NEDD4L: variants seen among roughly 807,000 people sequenced by gnomAD.
The protein encoded by NEDD4L is NEDD4 like E3 ubiquitin protein ligase.
In NEDD4L, 54 loss-of-function variants were observed where a neutral mutation model predicts 148.9. The observed-to-expected ratio is 0.36, with a 90% CI of 0.29 to 0.45. NEDD4L has a LOEUF of 0.45. Among genes scored for constraint, NEDD4L ranks in the 20% least tolerant of loss-of-function variants. NEDD4L has a pLI of 1.00. For synonymous variants in NEDD4L, 433 were observed against 440.7 expected (o/e 0.98, Z 0.22); for missense variants, 856 against 1,233.8 (o/e 0.69, Z 4.59).
At chr18:58,076,031 G>A (rs1216772004) in intron 1 of NEDD4L, among the ~76,000 whole-genome samples, 1 of 152,166 alleles carries the variant, frequency 6.6e-6, no homozygotes, top group Non-Finnish European at 1.5e-5. Context: ...AATAACCATT[G>A]TTGGCATCAA....
chr18:58,070,883 A>G (rs1229490782), intron 1 of NEDD4L, among the ~76,000 whole-genome samples: 2 of 152,238 alleles, frequency 1.3e-5, no homozygotes, highest in African/African-American at 4.8e-5. Flanking sequence ...GTTCCTGAAA[A>G]TCACTAATCA....
intron 1 of NEDD4L, among the ~76,000 whole-genome samples, chr18:58,161,371 C>T (rs182134748): frequency 1.3e-5 from 2 of 151,644 alleles, no homozygotes; most frequent in Admixed American, 1.3e-4. Context: ...TGGATGGTGT[C>T]GTTAACGGTG....
intron 1 of NEDD4L, among the ~76,000 whole-genome samples, chr18:58,103,143 C>T (rs1182046044): frequency 6.6e-6 from 1 of 151,446 alleles, no homozygotes; most frequent in African/African-American, 2.4e-5. Context: ...GTCTATGTAG[C>T]AGTAATGCCA....
chr18:58,336,662 A>G (rs2041820751), intron 13 of NEDD4L, among the ~76,000 whole-genome samples: 1 of 152,208 alleles, frequency 6.6e-6, no homozygotes, highest in Non-Finnish European at 1.5e-5. Context: ...CTTTACGTAT[A>G]CAATTGCTGA....
intron 2 of NEDD4L, among the ~76,000 whole-genome samples, chr18:58,203,806 G>A (rs1245104953): frequency 6.6e-6 from 1 of 151,924 alleles, no homozygotes; most frequent in African/African-American, 2.4e-5. Context: ...TAGTGAATCA[G>A]ACCCTAAAAA....
At chr18:58,307,408 A>G (rs1163317778) in intron 5 of NEDD4L, among the ~76,000 whole-genome samples, 2 of 152,240 alleles carry the variant, frequency 1.3e-5, no homozygotes, top group South Asian at 2.1e-4. Flanking sequence ...TTTCGTAGTC[A>G]TGTGACAAGG....
chr18:58,074,585 T>A (rs959576506), intron 1 of NEDD4L, among the ~76,000 whole-genome samples: 1 of 151,716 alleles, frequency 6.6e-6, no homozygotes, highest in African/African-American at 2.4e-5. Context: ...TAAGAATTTT[T>A]AAAATAAGTG....
At chr18:58,136,949 C>A (rs565083847) in intron 1 of NEDD4L, among the ~76,000 whole-genome samples, 1 of 152,168 alleles carries the variant, frequency 6.6e-6, no homozygotes, top group Non-Finnish European at 1.5e-5. Context: ...GGAATAGATA[C>A]ATTTTTTAAA....
intron 1 of NEDD4L, among the ~76,000 whole-genome samples, chr18:58,102,510 T>A (rs2084817550): frequency 6.6e-6 from 1 of 152,222 alleles, no homozygotes; most frequent in Non-Finnish European, 1.5e-5. Flanking sequence ...GAACCAATTT[T>A]GACATCAAAT....
intron 1 of NEDD4L, among the ~76,000 whole-genome samples, chr18:58,056,892 C>T (rs1019572761): frequency 2.0e-5 from 1 of 51,040 alleles, no homozygotes; most frequent in Non-Finnish European, 4.4e-5. Flanking sequence ...GAGCTATGCC[C>T]TCTTTTTTTT....
intron 2 of NEDD4L, among the ~76,000 whole-genome samples, chr18:58,184,865 T>C (rs1281210881): frequency 1.3e-5 from 2 of 151,836 alleles, no homozygotes; most frequent in Non-Finnish European, 2.9e-5. Flanking sequence ...GAGGTGGAGC[T>C]TGCAGGGAGC....
chr18:58,264,566 G>T (rs967261305), intron 5 of NEDD4L, among the ~76,000 whole-genome samples: 2 of 152,042 alleles, frequency 1.3e-5, no homozygotes, highest in Non-Finnish European at 2.9e-5. Context: ...GGGGGTACAT[G>T]TGATATCTTG....
At chr18:58,158,779 C>T (rs1309350220) in intron 1 of NEDD4L, among the ~76,000 whole-genome samples, 4 of 152,142 alleles carry the variant, frequency 2.6e-5, no homozygotes, top group Admixed American at 6.5e-5. Context: ...TTGAACTGGA[C>T]TTGCAGTCCT....
intron 1 of NEDD4L, among the ~76,000 whole-genome samples, chr18:58,160,997 C>T (rs1007614548): frequency 6.6e-6 from 1 of 152,018 alleles, no homozygotes; most frequent in African/African-American, 2.4e-5. Context: ...AAAAATAACT[C>T]ATAGGGTTGT....
intron 12 of NEDD4L, among the ~76,000 whole-genome samples, chr18:58,334,895 G>A (rs973762342): frequency 7.2e-5 from 11 of 152,248 alleles, no homozygotes; most frequent in South Asian, 2.1e-4. Flanking sequence ...TGATAAGAGC[G>A]TCTTTTCTGG....
At chr18:58,270,360 G>T (rs1359207273) in intron 5 of NEDD4L, among the ~76,000 whole-genome samples, 2 of 152,170 alleles carry the variant, frequency 1.3e-5, no homozygotes, top group African/African-American at 4.8e-5. Context: ...ACATCAGGTG[G>T]CCTGAAGCCC....
At chr18:58,169,881 G>C (rs1225296434) in intron 2 of NEDD4L, among the ~76,000 whole-genome samples, 1 of 152,192 alleles carries the variant, frequency 6.6e-6, no homozygotes, top group Non-Finnish European at 1.5e-5. Flanking sequence ...CATGACCCCT[G>C]GGAAGTGCTG....
At chr18:58,333,231 T>C (rs750874337) in intron 11 of NEDD4L, among the ~76,000 whole-genome samples, 7 of 148,460 alleles carry the variant, frequency 4.7e-5, no homozygotes, top group Non-Finnish European at 1.0e-4. Context: ...TGAACTGAGA[T>C]CATGCCACTG....
At chr18:58,330,510 G>A (rs1279580271) in intron 10 of NEDD4L, among the ~76,000 whole-genome samples, 1 of 152,238 alleles carries the variant, frequency 6.6e-6, no homozygotes, top group Non-Finnish European at 1.5e-5. Context: ...CCACTTGCTA[G>A]ATGTTACCTT....
Sources: gnomAD v4.1 joint callset for allele counts (sites outside exome capture counted in the v4.1 genomes callset) on GRCh38, gnomAD v4.1.1 for gene constraint, MANE v1.5 for transcripts, NCBI Gene and HGNC (gene_info 2026-07-23, HGNC 2026-07-21) for gene names.